Variants in PWWP2B observed in about 807,000 individuals in gnomAD.
PWWP2B encodes the protein PWWP domain-containing protein 2B.
In PWWP2B, 9 loss-of-function variants were observed where a neutral mutation model predicts 15.5. The ratio of observed to expected loss-of-function variants is 0.58; its 90% CI spans 0.35 to 1.02. The LOEUF is 1.02. PWWP2B is among the 50% of genes least tolerant of loss of function. The probability of loss-of-function intolerance (pLI) is 0.02; values close to 1 mark genes in which losing one functional copy is unlikely to be tolerated. For synonymous variants in PWWP2B, 474 were observed against 403.6 expected (o/e 1.17, Z -2.09); for missense variants, 864 against 865.3 (o/e 1.00, Z 0.02).
chr10:132,409,397 C>T (rs1004009817), intron 2 of PWWP2B, among the ~76,000 whole-genome samples: 1 of 152,224 alleles, frequency 6.6e-6, no homozygotes, highest in Non-Finnish European at 1.5e-5. Context: ...GTGCAGGCAC[C>T]GGACATGCAG....
intron 2 of PWWP2B, among the ~76,000 whole-genome samples, chr10:132,410,089 A>G (rs1273237933): frequency 2.0e-5 from 3 of 152,226 alleles, no homozygotes; most frequent in South Asian, 4.1e-4. Context: ...CTTTAAAAAA[A>G]TCTGATAGCT....
At chr10:132,407,217 C>T (rs1016352284) in intron 2 of PWWP2B, among the ~76,000 whole-genome samples, 3 of 152,138 alleles carry the variant, frequency 2.0e-5, no homozygotes, top group Non-Finnish European at 4.4e-5. Context: ...CTCCTAGATG[C>T]CCCTCTTGTC....
intron 1 of PWWP2B, among the ~76,000 whole-genome samples, chr10:132,402,760 T>C (rs946041312): frequency 1.3e-5 from 2 of 152,248 alleles, no homozygotes; most frequent in Non-Finnish European, 2.9e-5. Flanking sequence ...CTTCCACAGC[T>C]TAACTCTGGC....
chr10:132,416,349 C>A (rs528168085), intron 2 of PWWP2B, among the ~76,000 whole-genome samples: 1 of 152,252 alleles, frequency 6.6e-6, no homozygotes, highest in East Asian at 1.9e-4. Context: ...AGAACTGGGG[C>A]TGACAGTGTC....
intron 2 of PWWP2B, among the ~76,000 whole-genome samples, chr10:132,408,795 C>A (rs538142068): frequency 2.0e-5 from 3 of 152,266 alleles, no homozygotes; most frequent in African/African-American, 7.2e-5. Flanking sequence ...TCTCTCTCAG[C>A]TTGCTGCGGG....
chr10:132,416,408 G>A (rs1052109791), intron 2 of PWWP2B, among the ~76,000 whole-genome samples: 1 of 152,190 alleles, frequency 6.6e-6, no homozygotes, highest in South Asian at 2.1e-4. Context: ...CAGGGCCCAG[G>A]GTTGGCCCTG....
chr10:132,404,034 A>AG (rs2069647725), intron 1 of PWWP2B, among the ~76,000 whole-genome samples: 3 of 58,636 alleles, frequency 5.1e-5, no homozygotes, highest in African/African-American at 2.5e-4. Context: ...GGCATTCTCC[A>AG]GGGCTCCTGC....
rs1355647575 is a variant in PWWP2B, at chr10:132,405,557, C to T, written c.1057C>T (p.Leu353=). Residue 353 remains leucine (L), a synonymous_variant, in exon 2 of 3, where the codon CTG becomes TTG. Coordinates refer to ENST00000305233, the MANE Select transcript of PWWP2B (RefSeq NM_138499.4). ...SEHEPVYRAE[L]VGELNGYLRD... is the part of the protein sequence containing the mutation. ...GCACGAGCCCGTGTACCGGGCCGAG[C>T]TGGTGGGGGAGCTGAACGGGTACCT... The T allele has an allele frequency of 1.2e-6, 2 of 1,606,336 alleles. No individual in the cohort carries two copies.
rs771992378 is a variant in PWWP2B, at chr10:132,404,716, G to A, written c.216G>A (p.Glu72=). Residue 72 remains glutamate (E), a synonymous_variant, in exon 2 of 3, where the codon GAG becomes GAA. Coordinates refer to ENST00000305233, the MANE Select transcript of PWWP2B (RefSeq NM_138499.4). ...VNDSHGRAPE[E]GDAEVMQLGS... is the part of the protein sequence containing the mutation. ...ACAGCCATGGCCGGGCTCCCGAGGA[G>A]GGGGATGCAGAGGTGATGCAGCTGG... is the stretch of plus-strand genomic sequence containing the variant. The A allele has an allele frequency of 1.9e-6, 3 of 1,611,728 alleles. No individual in the cohort carries two copies. The highest frequency in any genetic ancestry group is 2.5e-6 in the Non-Finnish European group (3 of 1,179,624).
chr10:132,403,234 C>A (rs564278091), intron 1 of PWWP2B, among the ~76,000 whole-genome samples: 2 of 152,212 alleles, frequency 1.3e-5, no homozygotes, highest in African/African-American at 2.4e-5. Flanking sequence ...CAGAACCCCC[C>A]GCCCCGTGTT....
intron 2 of PWWP2B, among the ~76,000 whole-genome samples, chr10:132,411,246 C>G (rs1470745307): frequency 2.0e-5 from 3 of 152,244 alleles, no homozygotes; most frequent in Non-Finnish European, 4.4e-5. Context: ...GCCCCAGGCT[C>G]TGCCTCCATG....
In PWWP2B at chr10:132,405,403, C is replaced by T; in HGVS notation, c.903C>T (p.Ser301=). Residue 301 remains serine (S), a synonymous_variant, in exon 2 of 3, where the codon TCC becomes TCT. Transcript: ENST00000305233. ...ACCCCGAGGTGCTGGACAGAGAGTC[C>T]CGGGACCGGCCGTCCTGCGCGCCCT... The part of the protein sequence containing the change: ...SQDPEVLDRE[S]RDRPSCAPSA... 1.2e-6 allele frequency: 2 copies of T among 1,610,908 alleles called. No individual in the cohort carries two copies. Among genetic ancestry groups the T allele is most frequent in the Non-Finnish European group, 1.7e-6 (2 of 1,179,206 alleles).
At chr10:132,411,344 T>C (rs1352812796) in intron 2 of PWWP2B, among the ~76,000 whole-genome samples, 1 of 152,234 alleles carries the variant, frequency 6.6e-6, no homozygotes, top group Non-Finnish European at 1.5e-5. Flanking sequence ...CTGGAAACCC[T>C]TTAATCACAA....
Position 132,404,782 on chromosome 10 carries a change from CGAGACCA to C in PWWP2B, c.283_289del (p.Glu95ProfsTer89). On this transcript the variant is annotated frameshift_variant, in exon 2 of 3. Transcript: ENST00000305233. LOFTEE classifies it high-confidence loss of function. ...CTCCTGCCCGCGGGGTTCAGCCCCC[CGAGACCA>C]CCCGCCCCGAGCCACCCCCGCCCCT... is the stretch of plus-strand genomic sequence containing the variant. 1 of 1,544,996 alleles carries C rather than the reference CGAGACCA, an allele frequency of 6.5e-7. No individual in the cohort carries two copies. The highest frequency in any genetic ancestry group is 8.8e-7 in the Non-Finnish European group (1 of 1,138,982).
At chr10:132,410,503 G>A (rs927159814) in intron 2 of PWWP2B, among the ~76,000 whole-genome samples, 14 of 152,198 alleles carry the variant, frequency 9.2e-5, no homozygotes, top group Admixed American at 5.2e-4. Context: ...CTGGCCAGCC[G>A]TGTGGGGAGG....
At chr10:132,416,296 G>A (rs557759666) in intron 2 of PWWP2B, among the ~76,000 whole-genome samples, 14 of 152,152 alleles carry the variant, frequency 9.2e-5, no homozygotes, top group Non-Finnish European at 1.5e-4. Flanking sequence ...TGCAGGCTCC[G>A]CTGCCTTCCC....
At chr10:132,406,961 A>G (rs1286217637) in intron 2 of PWWP2B, among the ~76,000 whole-genome samples, 2 of 151,780 alleles carry the variant, frequency 1.3e-5, no homozygotes, top group Non-Finnish European at 2.9e-5. Context: ...GTTCCCGGGG[A>G]CGGCGTCTCA....
chr10:132,402,798 G>A (rs534744569), intron 1 of PWWP2B, among the ~76,000 whole-genome samples: 25 of 152,362 alleles, frequency 1.6e-4, no homozygotes, highest in Non-Finnish European at 3.1e-4. Context: ...GAAAGTCGCC[G>A]GCTTGGGTGG....
At chr10:132,415,658 C>T (rs1045941348) in intron 2 of PWWP2B, among the ~76,000 whole-genome samples, 3 of 146,474 alleles carry the variant, frequency 2.0e-5, no homozygotes, top group Non-Finnish European at 3.0e-5. Flanking sequence ...CACACACATG[C>T]ACTCACACAC....
Sources: gnomAD v4.1 joint callset for allele counts (sites outside exome capture counted in the v4.1 genomes callset) on GRCh38, gnomAD v4.1.1 for gene constraint, MANE v1.5 for transcripts, NCBI Gene and HGNC (gene_info 2026-07-23, HGNC 2026-07-21) for gene names.